DNAJC13: variants seen among roughly 807,000 people sequenced by gnomAD.
DNAJC13 encodes the protein dnaJ homolog subfamily C member 13.
Under a neutral mutation model 290.5 loss-of-function variants are expected in DNAJC13, and 75 were observed. That is an observed-to-expected ratio of 0.26 (90% confidence interval 0.21 to 0.31). DNAJC13 has a LOEUF of 0.31. Among genes scored for constraint, DNAJC13 ranks in the 10% least tolerant of loss-of-function variants. DNAJC13 has a pLI of 1.00. For synonymous variants in DNAJC13, 862 were observed against 892.0 expected, an observed-to-expected ratio of 0.97 and a Z score of 0.60; for missense variants, 2,260 against 2,674.5, an observed-to-expected ratio of 0.85 and a Z score of 3.42.
chr3:132,536,097 T>A (rs58472942), intron 55 of DNAJC13, among the ~76,000 whole-genome samples: 2,942 of 152,322 alleles, frequency 0.019, 107 homozygotes, highest in African/African-American at 0.067. Flanking sequence ...AATTTTTTCA[T>A]CCGTCCCCAA....
intron 12 of DNAJC13, 130 bp downstream of exon 12, chr3:132,456,962 T>C: frequency 9.3e-7 from 1 of 1,072,084 alleles, no homozygotes; most frequent in Non-Finnish European, 1.3e-6. Context: ...GGTACTTTAT[T>C]CATGAGAAAT....
chr3:132,434,444 T>G (rs1576457847), intron 1 of DNAJC13, 94 bp from the exon 2 acceptor site: 4 of 828,174 alleles, frequency 4.8e-6, no homozygotes, highest in East Asian at 2.7e-5. Flanking sequence ...GCTGTGAAAG[T>G]GAGAGAGCGA....
At chr3:132,437,070 G>C (rs1197033495) in intron 2 of DNAJC13, among the ~76,000 whole-genome samples, 1 of 151,632 alleles carries the variant, frequency 6.6e-6, no homozygotes, top group East Asian at 1.9e-4. Context: ...GTAGAGACAG[G>C]GTTTCACCAT....
Position 132,441,212 on chromosome 3 carries a change from G to T in DNAJC13, c.69-5263G>T, listed in dbSNP as rs563218401. 1.6e-4 allele frequency among the ~76,000 whole-genome samples: 25 copies of T among 152,338 alleles called. 1 individual carries two copies. The South Asian group carries it at 4.6e-3, about 28-fold the overall frequency. ...CTGGCAGAAGAATTAGGTATGCTCT[G>T]TGTGCAGCTGAAAGACAGAACTTGG... On this transcript the variant is annotated intron_variant, in intron 2 of 55. Transcript: ENST00000260818.
intron 1 of DNAJC13, among the ~76,000 whole-genome samples, chr3:132,423,540 AT>A (rs575498440): frequency 4.7e-4 from 71 of 152,316 alleles, no homozygotes; most frequent in African/African-American, 1.6e-3. Flanking sequence ...CAGATAAGCC[AT>A]TTTCCCCCCA....
chr3:132,479,330 A>G (rs1161731414), intron 25 of DNAJC13, 41 bp downstream of exon 25: 3 of 1,330,384 alleles, frequency 2.3e-6, no homozygotes, highest in Admixed American at 1.7e-5. Flanking sequence ...TTTCCAAGTC[A>G]TATAAGTATG....
rs1305859472 is a variant in DNAJC13 at position 132,492,519 on chromosome 3, C to A, written c.3729C>A (p.Asn1243Lys). The change falls in exon 33 of 56, where the codon AAC becomes AAA. Residue 1243 changes from asparagine (N) to lysine (K), a missense_variant. By Grantham distance (94) the Asn-to-Lys change is moderately conservative. Transcript: ENST00000260818. ...LYQYCPIPII[N>K]YPQLENELFC... is the part of the protein sequence containing the mutation. ...AGTATTGCCCCATTCCTATAATCAACTATCCACAACTCGAAAATGAACTAT... is the reference window on the plus strand; with the variant it reads ...AGTATTGCCCCATTCCTATAATCAAATATCCACAACTCGAAAATGAACTAT... 6.2e-7 allele frequency: 1 copy of A among 1,613,750 alleles called. No homozygotes were observed. The highest frequency in any genetic ancestry group is 1.3e-5 in the African/African-American group (1 of 74,882).
chr3:132,475,415 C>T (rs1006369074), intron 22 of DNAJC13, among the ~76,000 whole-genome samples: 3 of 151,420 alleles, frequency 2.0e-5, no homozygotes, highest in South Asian at 4.2e-4. Context: ...ACCCTGTTTG[C>T]CTTGTTCCTT....
rs1014796105 is a variant in DNAJC13 at position 132,506,635 on chromosome 3, T to A, written c.4999-602T>A. 8.1e-5 allele frequency among the ~76,000 whole-genome samples: 11 copies of A among 135,500 alleles called. No individual in the cohort carries two copies. In the South Asian group the frequency reaches 2.9e-3, roughly 35 times the overall value. 88.9% of individuals were successfully genotyped at this position (135,500 alleles called of 152,430 possible). On this transcript the variant is annotated intron_variant, in intron 42 of 55. Coordinates refer to ENST00000260818, the MANE Select transcript of DNAJC13 (RefSeq NM_015268.4). ...GGCATGATCTCGGCCCACTGCAGCCTCTGCCTCCCAGGTTCAAGTGATTCT... is the reference window on the plus strand; with the variant it reads ...GGCATGATCTCGGCCCACTGCAGCCACTGCCTCCCAGGTTCAAGTGATTCT...
chr3:132,419,413 GTGAA>G (rs1255064470), intron 1 of DNAJC13, among the ~76,000 whole-genome samples: 20 of 147,994 alleles, frequency 1.4e-4, no homozygotes, highest in Non-Finnish European at 2.2e-4. Context: ...ATATTAATAA[GTGAA>G]TGAATTGTTT....
intron 14 of DNAJC13, among the ~76,000 whole-genome samples, chr3:132,460,590 A>G (rs1399843553): frequency 1.3e-5 from 2 of 152,092 alleles, no homozygotes; most frequent in Non-Finnish European, 2.9e-5. Flanking sequence ...GGATACTCCA[A>G]ATTTTTGTTT....
intron 1 of DNAJC13, among the ~76,000 whole-genome samples, chr3:132,420,373 T>C (rs1314781346): frequency 1.3e-5 from 2 of 152,146 alleles, no homozygotes; most frequent in Non-Finnish European, 2.9e-5. Flanking sequence ...GTTGGCCCCA[T>C]TGGTGAACAT....
Position 132,489,019 on chromosome 3 carries a change from G to C in DNAJC13, c.3466G>C (p.Glu1156Gln), listed in dbSNP as rs1331118246. The change falls in exon 31 of 56, where the codon GAG becomes CAG. Residue 1156 changes from glutamate to glutamine, a missense_variant and splice_region_variant. Physicochemically the swap from Glu to Gln is conservative, Grantham distance 29. Coordinates refer to ENST00000260818, the MANE Select transcript of DNAJC13 (RefSeq NM_015268.4). ...TACCAAACAGGCTTTCAAGTCAGAAGAGGTAAGCCAGGTTAATCCTCTGAA... is the reference window on the plus strand; with the variant it reads ...TACCAAACAGGCTTTCAAGTCAGAACAGGTAAGCCAGGTTAATCCTCTGAA... The part of the protein sequence containing the change: ...THTKQAFKSE[E>Q]TKGQDIFQRS... The C allele has an allele frequency of 6.2e-7, 1 of 1,610,766 alleles. No individual in the cohort carries two copies. Among genetic ancestry groups the C allele is most frequent in the African/African-American group, 1.3e-5 (1 of 74,800 alleles).
intron 55 of DNAJC13, among the ~76,000 whole-genome samples, chr3:132,533,645 C>T (rs1415244207): frequency 6.6e-6 from 1 of 152,164 alleles, no homozygotes; most frequent in Non-Finnish European, 1.5e-5. Context: ...TGAGCCACTG[C>T]ACCTGGTCAG....
chr3:132,418,550 C>T (rs1165710920), intron 1 of DNAJC13, among the ~76,000 whole-genome samples: 2 of 152,170 alleles, frequency 1.3e-5, no homozygotes, highest in Non-Finnish European at 2.9e-5. Flanking sequence ...AAAGATTTCA[C>T]CCTAATGTGG....
At chr3:132,500,761 A>G in intron 38 of DNAJC13, 33 bp from the exon 39 acceptor site, 4 of 1,611,568 alleles carry the variant, frequency 2.5e-6, no homozygotes, top group East Asian at 2.2e-5. Flanking sequence ...ATGTGACTCT[A>G]CTGGTTTTTT....
At chr3:132,463,519 A>G (rs1489496749) in intron 16 of DNAJC13, among the ~76,000 whole-genome samples, 177 bp from the exon 17 acceptor site, 1 of 152,204 alleles carries the variant, frequency 6.6e-6, no homozygotes, top group Non-Finnish European at 1.5e-5. Flanking sequence ...AAAGGTTTAA[A>G]AATTACCTGT....
chr3:132,459,008 A>AAAT (rs1559877768), intron 13 of DNAJC13, among the ~76,000 whole-genome samples: 1 of 152,002 alleles, frequency 6.6e-6, no homozygotes, highest in African/African-American at 2.4e-5. Context: ...GCTGTTTAAT[A>AAAT]AATAATGATT....
At chr3:132,441,517 C>G (rs1045723213) in intron 2 of DNAJC13, among the ~76,000 whole-genome samples, 1 of 152,134 alleles carries the variant, frequency 6.6e-6, no homozygotes, top group Non-Finnish European at 1.5e-5. Context: ...GGCGTAGATT[C>G]TCCACTGAAG....
Sources: gnomAD v4.1 joint callset for allele counts (sites outside exome capture counted in the v4.1 genomes callset) on GRCh38, gnomAD v4.1.1 for gene constraint, MANE v1.5 for transcripts, NCBI Gene and HGNC (gene_info 2026-07-23, HGNC 2026-07-21) for gene names.